Variants in DBF4B observed in about 807,000 individuals in gnomAD.
The protein encoded by DBF4B is protein DBF4 homolog B.
A neutral mutation model predicts 53.4 loss-of-function variants in DBF4B; 49 were observed. That is an observed-to-expected ratio of 0.92 (90% CI 0.73 to 1.16). The LOEUF (loss-of-function observed/expected upper bound fraction) is 1.16. DBF4B is among the 50% of genes most tolerant of loss of function. DBF4B has a pLI of 0.00. For synonymous variants in DBF4B, 257 were observed against 288.7 expected (o/e 0.89, Z 1.11); for missense variants, 692 against 775.0 (o/e 0.89, Z 1.27).
intron 11 of DBF4B, 28 bp from the exon 12 acceptor site, chr17:44,747,363 G>A (rs9912745): frequency 0.45 from 730,696 of 1,612,662 alleles, 170,533 homozygotes; most frequent in East Asian, 0.74. Context: ...CTCATCTAAT[G>A]CCCTGTGCTC....
In DBF4B at chr17:44,743,357, A is replaced by T. The variant is rs527785072; in HGVS notation, c.830+1905A>T. On this transcript the variant is annotated intron_variant, in intron 10 of 13. Coordinates refer to ENST00000315005, the MANE Select transcript of DBF4B (RefSeq NM_145663.3). ...TTTTTACATTTTTGAAATCATTATT[A>T]TATTTTAAAGTTTAAAAATTTTTAA... Among the ~76,000 whole-genome samples the T allele has an allele frequency of 1.6e-4, 24 of 152,348 alleles. No homozygotes were observed. In the South Asian group the frequency reaches 5.0e-3, roughly 32 times the overall value.
chr17:44,734,294 C>A, intron 7 of DBF4B, 131 bp downstream of exon 7: 1 of 1,118,722 alleles, frequency 8.9e-7, no homozygotes, highest in Non-Finnish European at 1.3e-6. Context: ...GGAATGCAGC[C>A]TCTTATTTAC....
chr17:44,734,171 A>G lies in DBF4B; in HGVS notation c.630+8A>G. ...CAGCCAAAGAAGCCAGAGGTAGGTC[A>G]TCCTGCTGAACTGAAGGACAAATGG... On this transcript the variant is annotated splice_region_variant and intron_variant, in intron 7 of 13. Transcript: ENST00000315005. 1 of 1,614,220 alleles carries G rather than the reference A, an allele frequency of 6.2e-7. No homozygotes were observed. The highest frequency in any genetic ancestry group is 1.1e-5 in the South Asian group (1 of 91,084).
At chr17:44,714,953 A>G (rs1161135480) in intron 2 of DBF4B, among the ~76,000 whole-genome samples, 1 of 152,166 alleles carries the variant, frequency 6.6e-6, no homozygotes, top group African/African-American at 2.4e-5. Context: ...ATTGGCTACA[A>G]TGTAAGTCAA....
At chr17:44,733,059 G>A (rs975435639) in intron 6 of DBF4B, among the ~76,000 whole-genome samples, 1 of 151,720 alleles carries the variant, frequency 6.6e-6, no homozygotes, top group African/African-American at 2.4e-5. Context: ...CAGCTACTCG[G>A]GAGGCTGAGG....
chr17:44,744,654 G>A (rs1042246755), intron 10 of DBF4B, among the ~76,000 whole-genome samples: 2 of 152,098 alleles, frequency 1.3e-5, no homozygotes, highest in African/African-American at 2.4e-5. Flanking sequence ...CAGCCAAATG[G>A]CTTTTCATGG....
rs1403784319 is a variant in DBF4B, at chr17:44,751,301, G to A, written c.*48G>A. 6 of 1,572,192 alleles carry A rather than the reference G, an allele frequency of 3.8e-6. No individual in the cohort carries two copies. The South Asian group carries it at 4.7e-5, about 12-fold the overall frequency. On this transcript the variant is annotated 3_prime_UTR_variant, in exon 14 of 14. Transcript: ENST00000315005. ...ACTTGACCCAGGATGGATGGGTGCTGCTTGATGTGAATGAGGTCCCGCAGT... is the reference window on the plus strand; with the variant it reads ...ACTTGACCCAGGATGGATGGGTGCTACTTGATGTGAATGAGGTCCCGCAGT...
At chr17:44,747,958 A>AC (rs1567676545) in intron 12 of DBF4B, among the ~76,000 whole-genome samples, 1 of 151,992 alleles carries the variant, frequency 6.6e-6, no homozygotes, top group African/African-American at 2.4e-5. Context: ...AGCAAGGCAG[A>AC]CCCTCTCCCA....
intron 13 of DBF4B, 117 bp downstream of exon 13, chr17:44,748,582 G>T: frequency 6.5e-7 from 1 of 1,546,916 alleles, no homozygotes; most frequent in Non-Finnish European, 8.7e-7. Context: ...GTCAGTTGAT[G>T]TGTTTGTGGA....
At chr17:44,730,918 C>A in intron 4 of DBF4B, 47 bp from the exon 5 acceptor site, 1 of 1,604,566 alleles carries the variant, frequency 6.2e-7, no homozygotes, top group Non-Finnish European at 8.5e-7. Context: ...TCTTTCAGTG[C>A]ACAGGTGGCC....
At chr17:44,714,300 A>G (rs1381650144) in intron 2 of DBF4B, among the ~76,000 whole-genome samples, 1 of 152,152 alleles carries the variant, frequency 6.6e-6, no homozygotes, top group Admixed American at 6.6e-5. Flanking sequence ...ACCAAAAACT[A>G]CCTGTACCCC....
chr17:44,716,847 A>G (rs1469549686), intron 2 of DBF4B, among the ~76,000 whole-genome samples: 1 of 152,034 alleles, frequency 6.6e-6, no homozygotes, highest in Non-Finnish European at 1.5e-5. Context: ...TGGGCCTTTC[A>G]GCTCTAATCA....
rs138613806 is a variant in DBF4B at position 44,720,990 on chromosome 17, C to T, written c.83-1890C>T. On this transcript the variant is annotated intron_variant, in intron 2 of 13. Coordinates refer to ENST00000315005, the MANE Select transcript of DBF4B (RefSeq NM_145663.3). ...AAACAATTCTCCTGCCTCAGCCTCCCGAGTAGCTGGGATTACAGGCGTGAA... is the reference window on the plus strand; with the variant it reads ...AAACAATTCTCCTGCCTCAGCCTCCTGAGTAGCTGGGATTACAGGCGTGAA... 2.9e-3 allele frequency among the ~76,000 whole-genome samples: 446 copies of T among 152,104 alleles called. 2 individuals are homozygous for T. The highest frequency in any genetic ancestry group is 0.01 in the African/African-American group (432 of 41,494).
chr17:44,724,535 G>T (rs765394331), intron 3 of DBF4B, among the ~76,000 whole-genome samples: 3 of 152,124 alleles, frequency 2.0e-5, no homozygotes, highest in African/African-American at 4.8e-5. Flanking sequence ...CTATCACCAC[G>T]CCCGGCTAAT....
chr17:44,738,497 G>A (rs941281884), intron 9 of DBF4B, 73 bp downstream of exon 9: 1 of 1,501,560 alleles, frequency 6.7e-7, no homozygotes, highest in Non-Finnish European at 9.1e-7. Flanking sequence ...GGGGTGCTCA[G>A]GGGCCTCAAG....
chr17:44,751,516 C>T lies in DBF4B; in HGVS notation c.*263C>T. 7.2e-7 allele frequency: 1 copy of T among 1,382,860 alleles called. No individual in the cohort carries two copies. The highest frequency in any genetic ancestry group is 9.3e-7 in the Non-Finnish European group (1 of 1,072,174). 85.7% of individuals were successfully genotyped at this position (1,382,860 alleles called of 1,614,324 possible). The stretch of plus-strand genomic sequence containing the variant: ...AGTCACACTGTCTGTCCCTGGCCCT[C>T]CAGCCCACCTCGCCAACCACTCTTG... On this transcript the variant is annotated 3_prime_UTR_variant, in exon 14 of 14. Coordinates refer to ENST00000315005, the MANE Select transcript of DBF4B (RefSeq NM_145663.3).
At chr17:44,709,441 T>TC in intron 2 of DBF4B, 75 bp downstream of exon 2, 5 of 1,501,982 alleles carry the variant, frequency 3.3e-6, no homozygotes, top group Middle Eastern at 1.7e-4. Context: ...CGAAAAATGT[T>TC]CCCCCTGTTG....
chr17:44,723,046 C>A, intron 3 of DBF4B, 24 bp downstream of exon 3: 1 of 1,612,846 alleles, frequency 6.2e-7, no homozygotes, highest in Non-Finnish European at 8.5e-7. Flanking sequence ...TCTTCTCCTG[C>A]GATGCCATGT....
chr17:44,737,998 C>T lies in DBF4B; in HGVS notation c.668-381C>T, dbSNP rs56215133. On this transcript the variant is annotated intron_variant, in intron 8 of 13. Transcript: ENST00000315005. ...GGGACTTTGTGGGAATGACCACCCC[C>T]ACCCTGCTTTTAGCAGAAGCCATCA... Among the ~76,000 whole-genome samples, 688 of 152,318 alleles carry T rather than the reference C, an allele frequency of 4.5e-3. 4 individuals are homozygous for T. Among genetic ancestry groups the T allele is most frequent in the African/African-American group, 0.016 (655 of 41,558 alleles).
Sources: gnomAD v4.1 joint callset for allele counts (sites outside exome capture counted in the v4.1 genomes callset) on GRCh38, gnomAD v4.1.1 for gene constraint, MANE v1.5 for transcripts, NCBI Gene and HGNC (gene_info 2026-07-23, HGNC 2026-07-21) for gene names.